The following RBPJL variants were observed in gnomAD, a reference collection of about 807,000 sequenced individuals.
RBPJL encodes the protein recombination signal binding protein for immunoglobulin kappa J region like.
RBPJL carries 50 observed loss-of-function variants against 57.6 expected under a neutral mutation model. The observed-to-expected ratio is 0.87, with a 90% CI of 0.69 to 1.10. The LOEUF is 1.10. Ranked by LOEUF, RBPJL falls within the 50% of genes least tolerant of loss-of-function variation. The pLI, the probability that RBPJL is intolerant of heterozygous loss-of-function variation, is 0.00. For missense variants in RBPJL, 684 were observed against 693.7 expected (o/e 0.99, Z 0.16); for synonymous variants, 303 against 294.4 (o/e 1.03, Z -0.30).
intron 2 of RBPJL, 133 bp downstream of exon 2, chr20:45,308,384 A>G: frequency 1.6e-6 from 1 of 630,954 alleles, no homozygotes. Flanking sequence ...TCCCACTGGC[A>G]GGGAGGGATC....
At chr20:45,307,266 C>T (rs1298644655) in intron 1 of RBPJL, among the ~76,000 whole-genome samples, 6 of 152,126 alleles carry the variant, frequency 3.9e-5, no homozygotes, top group Admixed American at 2.6e-4. Context: ...ACAGCAGCTC[C>T]GCCCCCGCCC....
chr20:45,308,315 A>G, intron 2 of RBPJL, 64 bp downstream of exon 2: 1 of 1,121,710 alleles, frequency 8.9e-7, no homozygotes, highest in Non-Finnish European at 1.4e-6. Flanking sequence ...ACACAGAGGC[A>G]ACGGCCGCAT....
intron 10 of RBPJL, 23 bp downstream of exon 10, chr20:45,316,365 T>C (rs960754081): frequency 6.2e-7 from 1 of 1,612,364 alleles, no homozygotes; most frequent in Admixed American, 1.7e-5. Context: ...GCTAGGGGCG[T>C]TGGGCAGGGG....
chr20:45,311,126 AAAAAAG>A (rs1350866676), intron 3 of RBPJL, among the ~76,000 whole-genome samples: 177 of 151,514 alleles, frequency 1.2e-3, no homozygotes, highest in Non-Finnish European at 1.6e-3. Flanking sequence ...CAAAAAAAAA[AAAAAAG>A]AAAAAGAAAA....
intron 2 of RBPJL, 117 bp from the exon 3 acceptor site, chr20:45,309,450 T>A: frequency 3.8e-6 from 4 of 1,059,340 alleles, no homozygotes; most frequent in Non-Finnish European, 3.9e-6. Context: ...AGCCCCACCC[T>A]CCCACTCACT....
At chr20:45,314,351 A>G in intron 8 of RBPJL, 62 bp from the exon 9 acceptor site, 10 of 1,567,002 alleles carry the variant, frequency 6.4e-6, no homozygotes, top group Non-Finnish European at 8.7e-6. Context: ...GCCGGCTAGG[A>G]GGGCAGCCTC....
At chr20:45,313,998 G>A (rs183928374) in intron 7 of RBPJL, 37 bp from the exon 8 acceptor site, 239 of 1,462,414 alleles carry the variant, frequency 1.6e-4, no homozygotes, top group East Asian at 3.6e-4. Context: ...CTTGGGGGCC[G>A]CTGAAAACCT....
Position 45,314,528 on chromosome 20 carries a change from A to G in RBPJL, c.983A>G (p.Tyr328Cys). 1.9e-6 allele frequency: 3 copies of G among 1,614,086 alleles called. No individual in the cohort carries two copies. The highest frequency in any genetic ancestry group is 2.5e-6 in the Non-Finnish European group (3 of 1,179,952). Residue 328 changes from tyrosine (Y) to cysteine (C), a missense_variant, in exon 9 of 12, where the codon TAC becomes TGC. Tyr to Cys is a radical substitution (Grantham distance 194). Transcript: ENST00000343694. The part of the protein sequence containing the change: ...PGSPPGGGGT[Y>C]LCLATEKVVQ... ...AGTCCCCCAGGAGGGGGTGGCACCT[A>G]CTTATGCCTTGCCACAGAGAAGGTG...
Position 45,309,640 on chromosome 20 carries a change from G to C in RBPJL, c.205G>C (p.Val69Leu). The C allele has an allele frequency of 6.2e-7, 1 of 1,613,780 alleles. No homozygotes were observed. Among genetic ancestry groups the C allele is most frequent in the Non-Finnish European group, 8.5e-7 (1 of 1,179,846 alleles). Residue 69 changes from valine to leucine, a missense_variant, in exon 3 of 12, where the codon GTG becomes CTG. Transcript: ENST00000343694. ...RCLQQQCEQT[V>L]RILHAKVAQK... is the part of the protein sequence containing the mutation. ...CCTGCAGCAACAGTGTGAACAGACT[G>C]TGCGGATCCTGCATGCCAAGGTGGC... is the stretch of plus-strand genomic sequence containing the variant.
chr20:45,308,081 C>T lies in RBPJL; in HGVS notation c.23-62C>T. On this transcript the variant is annotated intron_variant, in intron 1 of 11. Transcript: ENST00000343694. ...GGCACTGCAAATCAGATAGGGCACCCTAGGCAGCGTCTCTGCTAAAATACA... is the reference window on the plus strand; with the variant it reads ...GGCACTGCAAATCAGATAGGGCACCTTAGGCAGCGTCTCTGCTAAAATACA... The T allele has an allele frequency of 5.0e-6, 6 of 1,211,194 alleles. No individual in the cohort carries two copies. In the South Asian group the frequency reaches 7.5e-5, roughly 15 times the overall value. The allele number at this position is 1,211,194 out of a possible 1,614,324, so 75.0% of individuals were successfully genotyped here.
In RBPJL at chr20:45,311,630, G is replaced by C; in HGVS notation, c.299G>C (p.Gly100Ala). The change falls in exon 4 of 12, where the codon GGC (glycine) becomes GCC (alanine). Residue 100 changes from glycine to alanine, a missense_variant. Coordinates refer to ENST00000343694, the MANE Select transcript of RBPJL (RefSeq NM_014276.4). ...CCCTGTGTCTACCTCTCGGGGCCTG[G>C]CTGGAGGGTGAAGCCAGGGCAGGAT... Reference protein sequence around the residue: ...PPPCVYLSGPGWRVKPGQDQA... With the variant: ...PPPCVYLSGPAWRVKPGQDQA... 6.2e-7 allele frequency: 1 copy of C among 1,614,180 alleles called. No homozygotes were observed. The highest frequency in any genetic ancestry group is 8.5e-7 in the Non-Finnish European group (1 of 1,180,038).
rs761643377 is a variant in RBPJL at position 45,316,692 on chromosome 20, G to T, written c.1287G>T (p.Pro429=). The change falls in exon 12 of 12, where the codon CCG becomes CCT. Residue 429 remains proline, a synonymous_variant. Transcript: ENST00000343694. ...DVEAETMYRS[P]RSLVCVVPDV... ...CCTGGTGCTCCACCCCCAGGAGCCC[G>T]CGGTCCCTGGTGTGCGTGGTGCCGG... 8.1e-6 allele frequency: 13 copies of T among 1,599,938 alleles called. No individual in the cohort carries two copies. The highest frequency in any genetic ancestry group is 1.1e-5 in the Non-Finnish European group (13 of 1,172,826).
intron 2 of RBPJL, 83 bp from the exon 3 acceptor site, chr20:45,309,484 T>A: frequency 6.9e-7 from 1 of 1,455,564 alleles, no homozygotes; most frequent in East Asian, 2.5e-5. Flanking sequence ...CACTTCATTT[T>A]ACTCAACCTG....
At chr20:45,314,177 C>A (rs1399438826) in intron 8 of RBPJL, 33 bp downstream of exon 8, 1 of 1,559,154 alleles carries the variant, frequency 6.4e-7, no homozygotes, top group Non-Finnish European at 8.8e-7. Flanking sequence ...TGGAGGGGTC[C>A]CCTCAGATCC....
At chr20:45,313,433 C>G (rs891503537) in intron 6 of RBPJL, 35 bp from the exon 7 acceptor site, 6 of 1,563,932 alleles carry the variant, frequency 3.8e-6, no homozygotes, top group Non-Finnish European at 5.2e-6. Context: ...CCCTGACCCT[C>G]ACCCTCACCC....
chr20:45,307,116 T>C (rs1161775651), intron 1 of RBPJL, among the ~76,000 whole-genome samples, 172 bp downstream of exon 1: 1 of 151,788 alleles, frequency 6.6e-6, no homozygotes, highest in Non-Finnish European at 1.5e-5. Context: ...TTCTCTCTCT[T>C]GAGGCCCCCT....
At chr20:45,308,044 G>T in intron 1 of RBPJL, 99 bp from the exon 2 acceptor site, 1 of 769,884 alleles carries the variant, frequency 1.3e-6, no homozygotes, top group Non-Finnish European at 2.2e-6. Context: ...GGACCCTGCA[G>T]AAGTGGGGAA....
intron 1 of RBPJL, among the ~76,000 whole-genome samples, chr20:45,307,161 AG>A (rs1306202364): frequency 6.6e-6 from 1 of 151,988 alleles, no homozygotes; most frequent in Non-Finnish European, 1.5e-5. Context: ...ATTTCCTTCC[AG>A]CTCCTACCCC....
At chr20:45,313,356 C>T (rs940760027) in intron 6 of RBPJL, 112 bp from the exon 7 acceptor site, 6 of 793,484 alleles carry the variant, frequency 7.6e-6, no homozygotes, top group African/African-American at 7.0e-5. Context: ...CTAACCCTCA[C>T]CCTCACCCTA....
Sources: allele counts gnomAD v4.1 joint callset (sites outside exome capture counted in the v4.1 genomes callset), GRCh38; gene constraint gnomAD v4.1.1; transcripts MANE v1.5; gene names NCBI Gene and HGNC (gene_info 2026-07-23, HGNC 2026-07-21).